CACNA1A: variants seen among roughly 807,000 people sequenced by gnomAD.
The protein encoded by CACNA1A is calcium voltage-gated channel subunit alpha1 A.
A neutral mutation model predicts 262.4 loss-of-function variants in CACNA1A; 57 were observed. The observed-to-expected ratio is 0.22, with a 90% CI of 0.18 to 0.27. The LOEUF is 0.27. Among genes scored for constraint, CACNA1A ranks in the 10% least tolerant of loss-of-function variants. The pLI is 1.00. For synonymous variants in CACNA1A, 1,431 were observed against 1,419.3 expected (o/e 1.01, Z -0.18); for missense variants, 2,526 against 3,562.8 (o/e 0.71, Z 7.41).
intron 31 of CACNA1A, among the ~76,000 whole-genome samples, chr19:13,242,429 G>A (rs894007778): frequency 3.9e-5 from 6 of 152,070 alleles, no homozygotes; most frequent in African/African-American, 1.4e-4. Context: ...CTGAGTAGCT[G>A]GGATTACAGG....
At chr19:13,471,313 C>A (rs1371598465) in intron 1 of CACNA1A, among the ~76,000 whole-genome samples, 1 of 152,132 alleles carries the variant, frequency 6.6e-6, no homozygotes, top group Non-Finnish European at 1.5e-5. Flanking sequence ...GTCCAAGGCC[C>A]AAACTCTTCC....
chr19:13,265,555 A>C (rs2056843054), intron 24 of CACNA1A, among the ~76,000 whole-genome samples: 1 of 152,206 alleles, frequency 6.6e-6, no homozygotes, highest in African/African-American at 2.4e-5. Flanking sequence ...CTGTGCCCCC[A>C]AGTGTGAGAC....
intron 3 of CACNA1A, among the ~76,000 whole-genome samples, chr19:13,448,699 G>C (rs765057284): frequency 3.9e-5 from 6 of 152,150 alleles, no homozygotes; most frequent in Non-Finnish European, 7.3e-5. Flanking sequence ...TCCTGGGTAC[G>C]TGCCCTAGAG....
chr19:13,339,226 A>G (rs2058633223), intron 6 of CACNA1A, among the ~76,000 whole-genome samples: 1 of 152,206 alleles, frequency 6.6e-6, no homozygotes. Flanking sequence ...ACGTGCTGCA[A>G]CATGGGTGAA....
chr19:13,465,944 A>G (rs959952535), intron 1 of CACNA1A, among the ~76,000 whole-genome samples: 3 of 152,222 alleles, frequency 2.0e-5, no homozygotes, highest in African/African-American at 7.2e-5. Flanking sequence ...GACTACCTAG[A>G]ATAGGTAAAT....
intron 3 of CACNA1A, among the ~76,000 whole-genome samples, chr19:13,376,719 AAT>A (rs1249348725): frequency 1.0e-3 from 148 of 147,832 alleles, no homozygotes; most frequent in Middle Eastern, 3.6e-3. Context: ...CACTACACAT[AAT>A]ATATGTTATA....
At chr19:13,502,548 C>T (rs10419215) in intron 1 of CACNA1A, among the ~76,000 whole-genome samples, 110,271 of 152,010 alleles carry the variant, frequency 0.73, 40,981 homozygotes, top group African/African-American at 0.9. Context: ...CAGAGACCCT[C>T]ATGGCCCTAT....
rs762654239 is a variant in CACNA1A at position 13,303,594 on chromosome 19, G to A, written c.2124C>T (p.Phe708=). Residue 708 remains phenylalanine, a synonymous_variant, in exon 17 of 47, where the codon TTC becomes TTT. Coordinates refer to ENST00000360228, the MANE Select transcript of CACNA1A (RefSeq NM_001127222.2). ...CCAGATTGTCCACAGCGATGGCCAA[G>A]AACACATTCAGGAGGGTGTCTGCAA... ...LFGNYTLLNV[F]LAIAVDNLAN... The A allele has an allele frequency of 1.2e-5, 20 of 1,611,572 alleles. No individual in the cohort carries two copies. Among genetic ancestry groups the A allele is most frequent in the Non-Finnish European group, 1.7e-5 (20 of 1,178,942 alleles).
intron 1 of CACNA1A, among the ~76,000 whole-genome samples, chr19:13,490,773 A>G (rs538300930): frequency 1.4e-3 from 199 of 142,970 alleles, no homozygotes; most frequent in African/African-American, 5.1e-3. Context: ...GAGAGGAAGG[A>G]AGGAAAGGAA....
Position 13,241,557 on chromosome 19 carries a change from C to CGG in CACNA1A, c.4950+3623_4950+3624dup. 3 of 216,102 alleles carry CGG rather than the reference C, an allele frequency of 1.4e-5. No individual in the cohort carries two copies. The highest frequency in any genetic ancestry group is 3.2e-5 in the South Asian group (1 of 30,980). The allele number at this position is 216,102 out of a possible 1,614,324, so 13.4% of individuals were successfully genotyped here. On this transcript the variant is annotated intron_variant, in intron 31 of 46. Coordinates refer to ENST00000360228, the MANE Select transcript of CACNA1A (RefSeq NM_001127222.2). This position sits in a 1 kb window ranked among gnomAD's most constrained non-coding sequence, Gnocchi z 4.0. ...TGCAGATGTTGAAGATGAGGGGGAG[C>CGG]GGGCGGGCGGGGGCAGTTGGGGAGG...
At chr19:13,502,965 C>T (rs891188603) in intron 1 of CACNA1A, among the ~76,000 whole-genome samples, 4 of 152,150 alleles carry the variant, frequency 2.6e-5, no homozygotes, top group Admixed American at 6.5e-5. Flanking sequence ...TATCGACCTG[C>T]AACCCTTAGT....
Position 13,207,868 on chromosome 19 carries a change from CTGCT to C in CACNA1A, c.6962_6965del (p.Gln2321ArgfsTer286). ...CCGGCCTGGCCACCGCCTGCTGCTG[CTGCT>C]GCTGCTGCTGCTGCTGCTGCTGCTG... On this transcript the variant is annotated frameshift_variant, in exon 47 of 47. Coordinates refer to ENST00000360228, the MANE Select transcript of CACNA1A (RefSeq NM_001127222.2). LOFTEE classifies it low-confidence loss of function (END_TRUNC). The surrounding 1 kb of genome is among the most constrained non-coding windows in gnomAD (Gnocchi z 5.7). 8.6e-7 allele frequency: 1 copy of C among 1,158,294 alleles called. No homozygotes were observed. The allele number at this position is 1,158,294 out of a possible 1,614,324, so 71.8% of individuals were successfully genotyped here. A position where few individuals can be genotyped will look rare whatever the true frequency, so the allele number is the denominator to read the frequency against.
chr19:13,488,137 G>C (rs1056354698), intron 1 of CACNA1A, among the ~76,000 whole-genome samples: 1 of 152,090 alleles, frequency 6.6e-6, no homozygotes, highest in African/African-American at 2.4e-5. Context: ...GGAGGGAGGT[G>C]CCAGCAGGTC....
At chr19:13,330,374 C>CT in intron 9 of CACNA1A, 41 bp from the exon 10 acceptor site, 1 of 1,415,378 alleles carries the variant, frequency 7.1e-7, no homozygotes, top group African/African-American at 1.4e-5. Context: ...AGACGTTACC[C>CT]TTTTTGCAAC....
intron 1 of CACNA1A, 50 bp downstream of exon 1, chr19:13,505,882 A>T (rs560913750): frequency 6.4e-7 from 1 of 1,563,016 alleles, no homozygotes; most frequent in East Asian, 2.3e-5. Flanking sequence ...GGGGAGGCGG[A>T]GGGAGGAGGG....
chr19:13,279,852 A>C (rs1409865295), intron 22 of CACNA1A, among the ~76,000 whole-genome samples: 1 of 152,022 alleles, frequency 6.6e-6, no homozygotes, highest in African/African-American at 2.4e-5. Context: ...TCTGTCGCCA[A>C]GGCTAGAGTG....
chr19:13,240,165 AAAG>A (rs1204328003), intron 31 of CACNA1A, among the ~76,000 whole-genome samples: 1 of 151,572 alleles, frequency 6.6e-6, no homozygotes, highest in Non-Finnish European at 1.5e-5. Context: ...AAAAAAAAAA[AAAG>A]AGCGAGAGAG....
At chr19:13,367,499 G>A (rs907207532) in intron 4 of CACNA1A, among the ~76,000 whole-genome samples, 10 of 151,690 alleles carry the variant, frequency 6.6e-5, no homozygotes, top group African/African-American at 1.2e-4. Flanking sequence ...AGGCCGAGGC[G>A]GGCAGATCAC....
chr19:13,347,202 G>GTA (rs2058808306), intron 6 of CACNA1A, among the ~76,000 whole-genome samples: 1 of 151,644 alleles, frequency 6.6e-6, no homozygotes, highest in Non-Finnish European at 1.5e-5. Context: ...GGGCCTACAG[G>GTA]CATGCTCCAC....
Sources: allele counts gnomAD v4.1 joint callset (sites outside exome capture counted in the v4.1 genomes callset), GRCh38; gene constraint gnomAD v4.1.1; non-coding constraint Gnocchi (gnomAD v3.1); transcripts MANE v1.5; gene names NCBI Gene and HGNC (gene_info 2026-07-23, HGNC 2026-07-21).